Variants in GSN observed in about 807,000 individuals in gnomAD.
The protein encoded by GSN is gelsolin, also known as actin-depolymerizing factor.
In GSN, 56 loss-of-function variants were observed where a neutral mutation model predicts 85.7. The observed-to-expected ratio is 0.65, with a 90% CI of 0.53 to 0.82. The LOEUF (loss-of-function observed/expected upper bound fraction) is 0.82, where lower values mean the gene tolerates loss of function less well. Among genes scored for constraint, GSN ranks in the 40% least tolerant of loss-of-function variants. The pLI, the probability that GSN is intolerant of heterozygous loss-of-function variation, is 0.00. For synonymous variants in GSN, 373 were observed against 399.1 expected, an observed-to-expected ratio of 0.93 and a Z score of 0.78; for missense variants, 857 against 979.8, an observed-to-expected ratio of 0.87 and a Z score of 1.67.
chr9:121,208,035 C>G (rs2053913695), intron 1 of GSN: 1 of 152,080 alleles, frequency 6.6e-6, no homozygotes, highest in African/African-American at 2.4e-5. Flanking sequence ...GATCCACCCA[C>G]CTTGGCCTCC....
chr9:121,281,333 T>G, intron 1 of GSN, 137 bp from the exon 2 acceptor site: 1 of 303,724 alleles, frequency 3.3e-6, no homozygotes, highest in South Asian at 2.9e-5. Context: ...GTGAGTGCGG[T>G]GTTGCTGGAT....
Position 121,302,014 on chromosome 9 carries a change from C to T in GSN, c.43C>T (p.Pro15Ser). ...HPEFLKAGKE[P>S]GLQIWRVEKF... ...CGAGTTCCTCAAGGCAGGGAAGGAG[C>T]CTGGCCTGCAGATCTGGCGTGTGGA... is the stretch of plus-strand genomic sequence containing the variant. The change falls in exon 3 of 18, where the codon CCT becomes TCT. Residue 15 changes from proline (P) to serine (S), a missense_variant. Coordinates refer to ENST00000432226, the MANE Select transcript of GSN (RefSeq NM_198252.3). 6.2e-7 allele frequency: 1 copy of T among 1,614,232 alleles called. No homozygotes were observed.
In GSN at chr9:121,327,177, C is replaced by T. The variant is rs771060539; in HGVS notation, c.1588-131C>T. 8 of 825,458 alleles carry T rather than the reference C, an allele frequency of 9.7e-6. No homozygotes were observed. In the South Asian group the frequency reaches 1.1e-4, roughly 11 times the overall value. The allele number at this position is 825,458 out of a possible 1,614,324, so 51.1% of individuals were successfully genotyped here. A position where few individuals can be genotyped will look rare whatever the true frequency, so the allele number is the denominator to read the frequency against. On this transcript the variant is annotated intron_variant, in intron 13 of 17. Coordinates refer to ENST00000432226, the MANE Select transcript of GSN (RefSeq NM_198252.3). ...CATCAGGGTCCAAAGTCTGTGCCCTCAGCTCTGATGGGCTGTGTTCCTCCA... is the reference window on the plus strand; with the variant it reads ...CATCAGGGTCCAAAGTCTGTGCCCTTAGCTCTGATGGGCTGTGTTCCTCCA...
chr9:121,329,638 G>C lies in GSN; in HGVS notation c.1965+323G>C, dbSNP rs1392097889. Among the ~76,000 whole-genome samples, 2 of 152,190 alleles carry C rather than the reference G, an allele frequency of 1.3e-5. No individual in the cohort carries two copies. Among genetic ancestry groups the C allele is most frequent in the Non-Finnish European group, 2.9e-5 (2 of 68,032 alleles). The stretch of plus-strand genomic sequence containing the variant: ...TCTTCCTTTAAATCTGTTGGCAGAG[G>C]AAGTTGAACTTAGCAGCATCTTGTT... On this transcript the variant is annotated intron_variant, in intron 16 of 17. Coordinates refer to ENST00000432226, the MANE Select transcript of GSN (RefSeq NM_198252.3). The surrounding 1 kb of genome is among the most constrained non-coding windows in gnomAD (Gnocchi z 4.6).
intron 4 of GSN, among the ~76,000 whole-genome samples, chr9:121,213,148 A>G (rs1004921620): frequency 6.6e-6 from 1 of 152,188 alleles, no homozygotes; most frequent in Non-Finnish European, 1.5e-5. Flanking sequence ...TACCCGGCCT[A>G]AGTATCTACA....
At chr9:121,215,416 C>G (rs190945603) in intron 4 of GSN, among the ~76,000 whole-genome samples, 1 of 151,968 alleles carries the variant, frequency 6.6e-6, no homozygotes, top group East Asian at 1.9e-4. Flanking sequence ...GAAAATTGGC[C>G]GGATTGGTGG....
intron 12 of GSN, among the ~76,000 whole-genome samples, chr9:121,326,151 C>A (rs751881786): frequency 1.0e-4 from 15 of 150,450 alleles, no homozygotes; most frequent in Non-Finnish European, 2.2e-4. Flanking sequence ...AGCAGTCATG[C>A]CCAGGCCTGA....
chr9:121,324,406 G>T, intron 11 of GSN, 148 bp from the exon 12 acceptor site: 1 of 664,828 alleles, frequency 1.5e-6, no homozygotes, highest in Non-Finnish European at 2.8e-6. Context: ...GTGGTTCCTG[G>T]CTCTCGTTGT....
chr9:121,328,632 C>T (rs536592229), intron 14 of GSN, among the ~76,000 whole-genome samples: 3 of 152,280 alleles, frequency 2.0e-5, no homozygotes, highest in East Asian at 1.9e-4. Flanking sequence ...GTCCTCATCC[C>T]GCAATGCTGT....
chr9:121,296,506 G>A (rs1273470854), intron 2 of GSN, among the ~76,000 whole-genome samples: 1 of 152,170 alleles, frequency 6.6e-6, no homozygotes, highest in Non-Finnish European at 1.5e-5. Context: ...TGTACAACCA[G>A]TATCTGGTAC....
At chr9:121,233,962 C>T (rs1488308063) in intron 5 of GSN, among the ~76,000 whole-genome samples, 1 of 152,182 alleles carries the variant, frequency 6.6e-6, no homozygotes, top group Non-Finnish European at 1.5e-5. Context: ...TTCTTTCTCT[C>T]ACAAAAGTCT....
At chr9:121,313,736 G>T (rs1212323478) in intron 6 of GSN, 198 bp from the exon 7 acceptor site, 2 of 622,976 alleles carry the variant, frequency 3.2e-6, no homozygotes, top group Non-Finnish European at 5.8e-6. Flanking sequence ...TTCTGAGTCA[G>T]GGAGACAAGG....
chr9:121,301,939 A>G (rs1246610478), intron 2 of GSN, 24 bp from the exon 3 acceptor site: 1 of 1,613,884 alleles, frequency 6.2e-7, no homozygotes, highest in Admixed American at 1.7e-5. Flanking sequence ...TGCCCCGCTT[A>G]GGCTCTGCCC....
In GSN at chr9:121,327,414, CG is replaced by C. The variant is rs2063351869; in HGVS notation, c.1699del (p.Ala567ProfsTer40). On this transcript the variant is annotated frameshift_variant, in exon 14 of 18. Transcript: ENST00000432226. LOFTEE classifies it high-confidence loss of function. ...ACAGGAGCCAGCGAGGCAGAGAAGA[CG>C]GGGGCCCAGGAGCTGCTCAGGGTGC... ...VGTGASEAEKTGAQELLRVLR... is the reference protein window; with the variant it reads ...VGTGASEAEKXGAQELLRVLR... 2 of 1,610,994 alleles carry C rather than the reference CG, an allele frequency of 1.2e-6. No individual in the cohort carries two copies. Among genetic ancestry groups the C allele is most frequent in the Non-Finnish European group, 1.7e-6 (2 of 1,178,622 alleles).
intron 1 of GSN, among the ~76,000 whole-genome samples, chr9:121,274,409 C>T (rs1457327371): frequency 6.6e-6 from 1 of 152,144 alleles, no homozygotes; most frequent in African/African-American, 2.4e-5. Flanking sequence ...CAACCTAGTG[C>T]ATACTTTTTT....
At position 121,318,671 on chromosome 9, in the gene GSN, G is replaced by A; in HGVS notation, c.982G>A (p.Val328Ile). ...MDYPKQTQVS[V>I]LPEGGETPLF... ...CTCTGCCTCCCCTCCCCAGGTCTCG[G>A]TCCTTCCTGAGGGCGGTGAGACCCC... Residue 328 changes from valine (V) to isoleucine (I), a missense_variant, in exon 10 of 18, where the codon GTC becomes ATC. Val to Ile is a conservative substitution (Grantham distance 29). Coordinates refer to ENST00000432226, the MANE Select transcript of GSN (RefSeq NM_198252.3). This position sits in a 1 kb window ranked among gnomAD's most constrained non-coding sequence, Gnocchi z 4.3. 6.2e-7 allele frequency: 1 copy of A among 1,612,116 alleles called. No homozygotes were observed. The highest frequency in any genetic ancestry group is 8.5e-7 in the Non-Finnish European group (1 of 1,178,070).
Position 121,318,440 on chromosome 9 carries a change from C to T in GSN, c.921C>T (p.Ala307=), listed in dbSNP as rs2061970618. 6.2e-7 allele frequency: 1 copy of T among 1,614,076 alleles called. No homozygotes were observed. Among genetic ancestry groups the T allele is most frequent in the African/African-American group, 1.3e-5 (1 of 75,022 alleles). The change falls in exon 9 of 18, where the codon GCC becomes GCT. Residue 307 remains alanine, a synonymous_variant. Coordinates refer to ENST00000432226, the MANE Select transcript of GSN (RefSeq NM_198252.3). This position sits in a 1 kb window ranked among gnomAD's most constrained non-coding sequence, Gnocchi z 4.3. Reference sequence around the variant, plus strand: ...CAAACACGGAGGAGAGGAAGGCTGCCCTCAAAACAGCCTCTGACTTCATCA... The same window carrying T: ...CAAACACGGAGGAGAGGAAGGCTGCTCTCAAAACAGCCTCTGACTTCATCA... ...KQANTEERKA[A]LKTASDFITK... is the part of the protein sequence containing the mutation.
At chr9:121,256,834 A>T (rs2132262952) in intron 6 of GSN, among the ~76,000 whole-genome samples, 1 of 152,338 alleles carries the variant, frequency 6.6e-6, no homozygotes, top group East Asian at 1.9e-4. Flanking sequence ...GGCTGCAGTG[A>T]GCCAAGATCG....
chr9:121,302,166 G>A lies in GSN; in HGVS notation c.195G>A (p.Leu65=), dbSNP rs749780121. The part of the protein sequence containing the change: ...GNLQYDLHYW[L]GNECSQDESG... ...TGCAGTATGACCTCCACTACTGGCTGGGTGAGGCTGGCCCTGCCCAGCCCC... is the reference window on the plus strand; with the variant it reads ...TGCAGTATGACCTCCACTACTGGCTAGGTGAGGCTGGCCCTGCCCAGCCCC... Residue 65 remains leucine, a splice_region_variant and synonymous_variant, in exon 3 of 18, where the codon CTG becomes CTA. Coordinates refer to ENST00000432226, the MANE Select transcript of GSN (RefSeq NM_198252.3). 8 of 1,613,694 alleles carry A rather than the reference G, an allele frequency of 5.0e-6. No homozygotes were observed. The highest frequency in any genetic ancestry group is 5.9e-6 in the Non-Finnish European group (7 of 1,179,932).
Sources: allele counts gnomAD v4.1 joint callset (sites outside exome capture counted in the v4.1 genomes callset), GRCh38; gene constraint gnomAD v4.1.1; non-coding constraint Gnocchi (gnomAD v3.1); transcripts MANE v1.5; gene names NCBI Gene and HGNC (gene_info 2026-07-23, HGNC 2026-07-21).